TSHZ1: variants seen among roughly 807,000 people sequenced by gnomAD.
TSHZ1 encodes the protein teashirt homolog 1.
In TSHZ1, 12 loss-of-function variants were observed where a neutral mutation model predicts 67.1. The ratio of observed to expected loss-of-function variants is 0.18; its 90% confidence interval spans 0.11 to 0.29. The LOEUF (loss-of-function observed/expected upper bound fraction) is 0.29, where lower values mean the gene tolerates loss of function less well. Among genes scored for constraint, TSHZ1 ranks in the 10% least tolerant of loss-of-function variants. The pLI, the probability that TSHZ1 is intolerant of heterozygous loss-of-function variation, is 1.00. For synonymous variants in TSHZ1, 632 were observed against 622.4 expected (o/e 1.02, Z -0.23); for missense variants, 1,305 against 1,413.9 (o/e 0.92, Z 1.23).
intron 1 of TSHZ1, among the ~76,000 whole-genome samples, chr18:75,274,694 T>G (rs2023596338): frequency 6.6e-6 from 1 of 152,232 alleles, no homozygotes; most frequent in Non-Finnish European, 1.5e-5. Flanking sequence ...GTTATGTCTC[T>G]CTATATCTTT....
chr18:75,285,870 G>GCCCCCCCCCCCCCCCCCCCCCC lies in TSHZ1; in HGVS notation c.468_469insCCCCCCCCCCCCCCCCCCCCCC (p.Thr157ProfsTer70). On this transcript the variant is annotated frameshift_variant, in exon 2 of 2. Transcript: ENST00000580243. LOFTEE classifies it high-confidence loss of function. ...CGATGCCAGCCAGAAGGAGAGCTCCGCCCCCACCCCCACACCCCCCACCTG... is the reference window on the plus strand; with the variant it reads ...CGATGCCAGCCAGAAGGAGAGCTCCGCCCCCCCCCCCCCCCCCCCCCCCCCCCACCCCCACACCCCCCACCTG... The GCCCCCCCCCCCCCCCCCCCCCC allele has an allele frequency of 3.2e-6, 5 of 1,581,556 alleles. No homozygotes were observed. Among genetic ancestry groups the GCCCCCCCCCCCCCCCCCCCCCC allele is most frequent in the Admixed American group, 1.8e-5 (1 of 56,850 alleles).
intron 1 of TSHZ1, among the ~76,000 whole-genome samples, chr18:75,279,478 C>T (rs373008969): frequency 6.6e-5 from 10 of 152,150 alleles, no homozygotes; most frequent in African/African-American, 1.7e-4. Context: ...GGTGAGCCGC[C>T]GGCCCTCCTG....
intron 1 of TSHZ1, among the ~76,000 whole-genome samples, chr18:75,223,057 T>C (rs1251516863): frequency 6.6e-6 from 1 of 152,218 alleles, no homozygotes; most frequent in Non-Finnish European, 1.5e-5. Flanking sequence ...CTCCCAGCAC[T>C]GCGGTACTTG....
chr18:75,250,142 T>TG (rs1175426556), intron 1 of TSHZ1, among the ~76,000 whole-genome samples: 2 of 131,114 alleles, frequency 1.5e-5, no homozygotes, highest in Non-Finnish European at 3.3e-5. Flanking sequence ...CTGCAGTAGG[T>TG]GGGGGGTGAC....
rs1342389483 is a variant in TSHZ1 at position 75,288,567 on chromosome 18, C to T, written c.3160C>T (p.Leu1054=). The T allele has an allele frequency of 6.2e-7, 1 of 1,614,126 alleles. No homozygotes were observed. The highest frequency in any genetic ancestry group is 1.3e-5 in the African/African-American group (1 of 75,062). ...RTFASKHAVK[L]HLSKTHGKSP... ...TTTTGCGAGCAAGCACGCAGTCAAA[C>T]TGCACCTTAGTAAGACCCACGGCAA... is the stretch of plus-strand genomic sequence containing the variant. Residue 1054 remains leucine, a synonymous_variant, in exon 2 of 2, where the codon CTG becomes TTG. Coordinates refer to ENST00000580243, the MANE Select transcript of TSHZ1 (RefSeq NM_001308210.2). This position sits in a 1 kb window ranked among gnomAD's most constrained non-coding sequence, Gnocchi z 4.9.
At chr18:75,231,604 G>A (rs2022999602) in intron 1 of TSHZ1, among the ~76,000 whole-genome samples, 1 of 151,982 alleles carries the variant, frequency 6.6e-6, no homozygotes, top group South Asian at 2.1e-4. Context: ...GTATGATCTT[G>A]GCTCACTGCA....
chr18:75,241,272 C>T (rs746501103), intron 1 of TSHZ1, among the ~76,000 whole-genome samples: 5 of 152,072 alleles, frequency 3.3e-5, no homozygotes, highest in African/African-American at 7.3e-5. Context: ...CCTGCAGTCC[C>T]GGCATGTTTC....
chr18:75,263,106 C>A (rs145265890), intron 1 of TSHZ1, among the ~76,000 whole-genome samples: 22 of 152,246 alleles, frequency 1.4e-4, no homozygotes, highest in East Asian at 7.7e-4. Context: ...CGTCAGGAAG[C>A]TTCATACTAT....
chr18:75,265,810 C>T (rs1362037534), intron 1 of TSHZ1, among the ~76,000 whole-genome samples: 1 of 148,456 alleles, frequency 6.7e-6, no homozygotes, highest in African/African-American at 2.4e-5. Flanking sequence ...TTACTATTTC[C>T]CCCCCTTACT....
intron 1 of TSHZ1, among the ~76,000 whole-genome samples, chr18:75,227,950 C>G (rs989647366): frequency 2.0e-5 from 3 of 152,158 alleles, no homozygotes. Flanking sequence ...TTGCAGAATC[C>G]CCATCAACAT....
At chr18:75,215,382 G>A (rs2022753063) in intron 1 of TSHZ1, among the ~76,000 whole-genome samples, 1 of 152,208 alleles carries the variant, frequency 6.6e-6, no homozygotes, top group Admixed American at 6.5e-5. Flanking sequence ...GAAATCACAG[G>A]AGTGTGCCTC....
chr18:75,224,898 G>A (rs548261469), intron 1 of TSHZ1, among the ~76,000 whole-genome samples: 14 of 152,044 alleles, frequency 9.2e-5, no homozygotes, highest in Admixed American at 6.5e-4. Flanking sequence ...TTCCTAACGC[G>A]TGCTATTCTA....
At chr18:75,242,853 TC>T (rs1199118630) in intron 1 of TSHZ1, among the ~76,000 whole-genome samples, 1 of 152,226 alleles carries the variant, frequency 6.6e-6, no homozygotes, top group Non-Finnish European at 1.5e-5. Context: ...GCAGATCTGT[TC>T]CTAATATCCG....
rs773409617 is a variant in TSHZ1 at position 75,286,483 on chromosome 18, T to A, written c.1076T>A (p.Leu359Gln). The change falls in exon 2 of 2, where the codon CTG becomes CAG. Residue 359 changes from leucine to glutamine, a missense_variant. Transcript: ENST00000580243. The surrounding 1 kb of genome is among the most constrained non-coding windows in gnomAD (Gnocchi z 5.1). Reference sequence around the variant, plus strand: ...ACCAAAAAGCGGGCGCTTCAGGACCTGGCGCCCCCCTGCTCCCCTGAGCCA... The same window carrying A: ...ACCAAAAAGCGGGCGCTTCAGGACCAGGCGCCCCCCTGCTCCCCTGAGCCA... ...PSTKKRALQDLAPPCSPEPAG... is the reference protein window; with the variant it reads ...PSTKKRALQDQAPPCSPEPAG... 1 of 1,614,216 alleles carries A rather than the reference T, an allele frequency of 6.2e-7. No homozygotes were observed. The highest frequency in any genetic ancestry group is 1.1e-5 in the South Asian group (1 of 91,088).
chr18:75,262,602 A>G (rs2023443960), intron 1 of TSHZ1, among the ~76,000 whole-genome samples: 1 of 152,228 alleles, frequency 6.6e-6, no homozygotes, highest in African/African-American at 2.4e-5. Context: ...TGCATTAAGC[A>G]TATATCTGGC....
chr18:75,212,722 T>G (rs1165766960), intron 1 of TSHZ1, among the ~76,000 whole-genome samples: 3 of 152,224 alleles, frequency 2.0e-5, no homozygotes, highest in Non-Finnish European at 4.4e-5. Flanking sequence ...CCCCTTTTGC[T>G]GCTCCATTTT....
chr18:75,262,617 A>G (rs2023444119), intron 1 of TSHZ1, among the ~76,000 whole-genome samples: 1 of 152,232 alleles, frequency 6.6e-6, no homozygotes. Context: ...TCTGGCCTCA[A>G]GAGTGGTCCT....
chr18:75,253,832 G>A (rs2023333043), intron 1 of TSHZ1, among the ~76,000 whole-genome samples: 1 of 152,212 alleles, frequency 6.6e-6, no homozygotes, highest in Non-Finnish European at 1.5e-5. Flanking sequence ...TTTAGGGAAG[G>A]CCTTTTGCAG....
chr18:75,280,707 T>G, intron 1 of TSHZ1: 1,283 of 957,648 alleles, frequency 1.3e-3, no homozygotes, highest in Non-Finnish European at 1.5e-3. Flanking sequence ...TAAAGGGTTG[T>G]GAGATTAAAT....
Sources: gnomAD v4.1 joint callset for allele counts (sites outside exome capture counted in the v4.1 genomes callset) on GRCh38, gnomAD v4.1.1 for gene constraint, Gnocchi (gnomAD v3.1) non-coding constraint, MANE v1.5 for transcripts, NCBI Gene and HGNC (gene_info 2026-07-23, HGNC 2026-07-21) for gene names.